The following MCTP1 variants were observed in gnomAD, a reference collection of about 807,000 sequenced individuals.
The protein encoded by MCTP1 is multiple C2 and transmembrane domain containing 1.
MCTP1 carries 69 observed loss-of-function variants against 120.6 expected under a neutral mutation model. The observed-to-expected ratio is 0.57, with a 90% confidence interval of 0.47 to 0.70. The LOEUF (loss-of-function observed/expected upper bound fraction) is 0.70. Ranked by LOEUF, MCTP1 falls within the 30% of genes least tolerant of loss-of-function variation. The pLI is 0.00. For synonymous variants in MCTP1, 529 were observed against 493.1 expected, an observed-to-expected ratio of 1.07 and a Z score of -0.96; for missense variants, 1,203 against 1,248.8, an observed-to-expected ratio of 0.96 and a Z score of 0.55.
chr5:94,869,504 A>T (rs1797439787), intron 16 of MCTP1, among the ~76,000 whole-genome samples: 1 of 151,990 alleles, frequency 6.6e-6, no homozygotes, highest in Admixed American at 6.6e-5. Context: ...TTTTATGTAT[A>T]ATTGTGGTGA....
At chr5:95,177,095 G>T (rs1350821317) in intron 1 of MCTP1, among the ~76,000 whole-genome samples, 1 of 151,090 alleles carries the variant, frequency 6.6e-6, no homozygotes, top group Non-Finnish European at 1.5e-5. Context: ...ATATATTAGG[G>T]TTATCCGGAG....
At chr5:95,079,398 T>C (rs922400373) in intron 1 of MCTP1, among the ~76,000 whole-genome samples, 14 of 152,202 alleles carry the variant, frequency 9.2e-5, no homozygotes, top group Non-Finnish European at 4.4e-5. Context: ...TTTTCTCTGA[T>C]ATTACAAAGA....
intron 21 of MCTP1, 117 bp downstream of exon 21, chr5:94,710,701 T>G: frequency 1.6e-6 from 1 of 630,176 alleles, no homozygotes. Flanking sequence ...CTTTTCATCA[T>G]GGAGTAGCTT....
At chr5:95,049,058 A>G (rs1247481344) in intron 1 of MCTP1, among the ~76,000 whole-genome samples, 1 of 152,148 alleles carries the variant, frequency 6.6e-6, no homozygotes, top group African/African-American at 2.4e-5. Context: ...CATTATTTTG[A>G]TCTCATGCTT....
At chr5:94,881,507 T>C (rs1267228671) in intron 12 of MCTP1, among the ~76,000 whole-genome samples, 1 of 152,160 alleles carries the variant, frequency 6.6e-6, no homozygotes, top group Non-Finnish European at 1.5e-5. Flanking sequence ...AAAGAAATCA[T>C]ATGTTCTCAA....
intron 17 of MCTP1, among the ~76,000 whole-genome samples, chr5:94,816,141 A>C (rs969823172): frequency 1.3e-5 from 2 of 152,196 alleles, no homozygotes; most frequent in African/African-American, 2.4e-5. Context: ...ATCAGCTGAA[A>C]TGTTTTAGTG....
intron 19 of MCTP1, among the ~76,000 whole-genome samples, chr5:94,770,763 G>A: frequency 6.6e-6 from 1 of 152,174 alleles, no homozygotes; most frequent in Non-Finnish European, 1.5e-5. Flanking sequence ...GCATGAGTAT[G>A]TAATTATTTT....
chr5:95,203,728 T>G (rs956354882), intron 1 of MCTP1, among the ~76,000 whole-genome samples: 3 of 152,212 alleles, frequency 2.0e-5, no homozygotes, highest in African/African-American at 7.2e-5. Flanking sequence ...AGGAAAAATC[T>G]AATACTTTTG....
At chr5:94,904,526 T>C (rs768077263) in intron 10 of MCTP1, among the ~76,000 whole-genome samples, 2 of 152,232 alleles carry the variant, frequency 1.3e-5, no homozygotes, top group South Asian at 2.1e-4. Flanking sequence ...TGAAAAGTTA[T>C]AGTAAGTGTC....
At chr5:95,150,166 T>G (rs529720486) in intron 1 of MCTP1, among the ~76,000 whole-genome samples, 7 of 152,242 alleles carry the variant, frequency 4.6e-5, no homozygotes, top group Non-Finnish European at 8.8e-5. Context: ...GAAAACTTTC[T>G]AAAGTGCAGC....
At chr5:94,730,075 A>G (rs1244975826) in intron 19 of MCTP1, among the ~76,000 whole-genome samples, 1 of 152,228 alleles carries the variant, frequency 6.6e-6, no homozygotes, top group Non-Finnish European at 1.5e-5. Context: ...TAAAGTCACC[A>G]TAGACATATT....
At chr5:94,841,286 A>C (rs1392306840) in intron 17 of MCTP1, among the ~76,000 whole-genome samples, 1 of 152,210 alleles carries the variant, frequency 6.6e-6, no homozygotes, top group Non-Finnish European at 1.5e-5. Context: ...GGATACAAGG[A>C]TAGCAAAGGT....
intron 2 of MCTP1, among the ~76,000 whole-genome samples, chr5:94,957,442 A>G (rs1468159659): frequency 6.6e-6 from 1 of 152,220 alleles, no homozygotes; most frequent in Non-Finnish European, 1.5e-5. Flanking sequence ...TAAATGGGCT[A>G]AATGCCCCAA....
At chr5:95,211,854 G>A (rs251088) in intron 1 of MCTP1, among the ~76,000 whole-genome samples, 31,431 of 152,022 alleles carry the variant, frequency 0.21, 3,363 homozygotes, top group African/African-American at 0.24. Flanking sequence ...TGGATTTTTG[G>A]TGTGGATGTC....
At chr5:94,709,343 T>C (rs1271874479) in intron 21 of MCTP1, 4 of 152,062 alleles carry the variant, frequency 2.6e-5, no homozygotes, top group African/African-American at 7.2e-5. Flanking sequence ...ACTGTTCTTG[T>C]TTTATTTTGT....
In MCTP1 at chr5:95,170,555, G is replaced by A. The variant is rs566305938; in HGVS notation, c.720+113301C>T. On this transcript the variant is annotated intron_variant, in intron 1 of 22. Transcript: ENST00000515393. ...ATTGTGTGGGAGTCTAAGTCTCTTT[G>A]TAAGTCTCTAAGGACTTGCTTTATG... 8.4e-4 allele frequency among the ~76,000 whole-genome samples: 128 copies of A among 152,290 alleles called. 2 individuals carry two copies. Among genetic ancestry groups the A allele is most frequent in the African/African-American group, 2.9e-3 (119 of 41,552 alleles).
intron 1 of MCTP1, among the ~76,000 whole-genome samples, chr5:95,216,241 A>G (rs1346739317): frequency 1.3e-5 from 2 of 152,202 alleles, no homozygotes; most frequent in East Asian, 3.8e-4. Context: ...CCTTTGTGTC[A>G]TGTTATTTAC....
intron 1 of MCTP1, among the ~76,000 whole-genome samples, chr5:95,140,521 A>T (rs1359045030): frequency 6.6e-6 from 1 of 152,010 alleles, no homozygotes; most frequent in African/African-American, 2.4e-5. Context: ...TCAGTCTCTC[A>T]AAAACTGCTG....
intron 17 of MCTP1, among the ~76,000 whole-genome samples, chr5:94,845,187 T>C (rs1270211427): frequency 6.6e-6 from 1 of 152,140 alleles, no homozygotes; most frequent in Admixed American, 6.5e-5. Context: ...CAAGACTGGG[T>C]AGTTTATAAA....
Sources: gnomAD v4.1 joint callset for allele counts (sites outside exome capture counted in the v4.1 genomes callset) on GRCh38, gnomAD v4.1.1 for gene constraint, MANE v1.5 for transcripts, NCBI Gene and HGNC (gene_info 2026-07-23, HGNC 2026-07-21) for gene names.